CTIF: variants seen among roughly 807,000 people sequenced by gnomAD.
The protein encoded by CTIF is CBP80/20-dependent translation initiation factor.
Under a neutral mutation model 66.0 loss-of-function variants are expected in CTIF, and 21 were observed. The observed-to-expected ratio is 0.32, with a 90% CI of 0.23 to 0.46. The LOEUF (loss-of-function observed/expected upper bound fraction) is 0.46. CTIF is among the 20% of genes least tolerant of loss of function. CTIF has a pLI of 1.00. For missense variants in CTIF, 739 were observed against 812.7 expected, an observed-to-expected ratio of 0.91 and a Z score of 1.10; for synonymous variants, 345 against 326.4, an observed-to-expected ratio of 1.06 and a Z score of -0.62.
chr18:48,656,193 T>C (rs2091244682), intron 3 of CTIF, among the ~76,000 whole-genome samples: 1 of 152,216 alleles, frequency 6.6e-6, no homozygotes, highest in Non-Finnish European at 1.5e-5. Flanking sequence ...AGGGGAGGGA[T>C]ACGTTCCTGC....
chr18:48,722,010 C>A (rs1012072089), intron 7 of CTIF, among the ~76,000 whole-genome samples: 1 of 152,118 alleles, frequency 6.6e-6, no homozygotes, highest in Non-Finnish European at 1.5e-5. Context: ...AAAGACAGTT[C>A]TGAAAGACAT....
At position 48,670,483 on chromosome 18, in the gene CTIF, G is replaced by A. The variant is rs564519687; in HGVS notation, c.432-186G>A. ...CCAGGTTGGCTGTTGCATTACGGGA[G>A]GACCCCCCCCCCACACACACACAGC... On this transcript the variant is annotated intron_variant, in intron 5 of 11. Coordinates refer to ENST00000256413, the MANE Select transcript of CTIF (RefSeq NM_014772.3). 9.2e-5 allele frequency: 41 copies of A among 447,352 alleles called. No homozygotes were observed. In the African/African-American group the frequency reaches 1.5e-3, roughly 16 times the overall value. 27.7% of individuals were successfully genotyped at this position (447,352 alleles called of 1,614,324 possible).
At chr18:48,721,895 A>G (rs1182084648) in intron 7 of CTIF, among the ~76,000 whole-genome samples, 1 of 152,180 alleles carries the variant, frequency 6.6e-6, no homozygotes, top group Admixed American at 6.5e-5. Context: ...CTCAGCTATA[A>G]AATAGGGCTC....
chr18:48,562,257 G>A (rs766223972), intron 1 of CTIF, among the ~76,000 whole-genome samples: 39 of 152,234 alleles, frequency 2.6e-4, no homozygotes, highest in Non-Finnish European at 5.1e-4. Context: ...ATGAGCAGTA[G>A]TATCATCACC....
chr18:48,836,767 T>C (rs2146504190), intron 10 of CTIF, among the ~76,000 whole-genome samples: 1 of 152,374 alleles, frequency 6.6e-6, no homozygotes, highest in African/African-American at 2.4e-5. Flanking sequence ...ATCTGAGTTC[T>C]GGTGCTGGCT....
chr18:48,809,538 A>G (rs1432913730), intron 9 of CTIF, among the ~76,000 whole-genome samples: 2 of 152,116 alleles, frequency 1.3e-5, no homozygotes, highest in African/African-American at 4.8e-5. Flanking sequence ...CTTATTTGTA[A>G]CTTACTATCA....
intron 3 of CTIF, among the ~76,000 whole-genome samples, chr18:48,636,968 T>G (rs2090834628): frequency 6.6e-6 from 1 of 152,206 alleles, no homozygotes; most frequent in South Asian, 2.1e-4. Context: ...CTGAGGGGAA[T>G]GGAGAGGTGC....
At chr18:48,633,292 G>A (rs940688429) in intron 2 of CTIF, among the ~76,000 whole-genome samples, 1 of 152,130 alleles carries the variant, frequency 6.6e-6, no homozygotes, top group African/African-American at 2.4e-5. Context: ...CTCCAACCAG[G>A]GAAGCAGAAA....
intron 9 of CTIF, among the ~76,000 whole-genome samples, chr18:48,779,499 A>G (rs1036243700): frequency 6.6e-6 from 1 of 152,212 alleles, no homozygotes; most frequent in African/African-American, 2.4e-5. Flanking sequence ...GGGGTCAGTT[A>G]TAAGGCTGAG....
At chr18:48,672,022 T>C (rs1264364993) in intron 6 of CTIF, among the ~76,000 whole-genome samples, 1 of 91,832 alleles carries the variant, frequency 1.1e-5, no homozygotes, top group Non-Finnish European at 2.5e-5. Context: ...TTTTAAAGCA[T>C]TGTAGGAAAT....
intron 9 of CTIF, among the ~76,000 whole-genome samples, chr18:48,777,135 C>T (rs1910758398): frequency 6.6e-6 from 1 of 152,226 alleles, no homozygotes; most frequent in Admixed American, 6.5e-5. Flanking sequence ...CAACTCTCCC[C>T]ACCCGGCGGG....
intron 1 of CTIF, among the ~76,000 whole-genome samples, chr18:48,594,119 T>G (rs2089945676): frequency 6.8e-6 from 1 of 147,252 alleles, no homozygotes; most frequent in Non-Finnish European, 1.5e-5. Context: ...ACAGTTTCTT[T>G]GGTGTCGTGA....
intron 9 of CTIF, among the ~76,000 whole-genome samples, chr18:48,801,658 G>A (rs1213205325): frequency 6.6e-6 from 1 of 151,782 alleles, no homozygotes; most frequent in African/African-American, 2.4e-5. Context: ...TAACGCCTGT[G>A]TATTCATCTA....
At chr18:48,811,227 G>A (rs890170121) in intron 9 of CTIF, among the ~76,000 whole-genome samples, 1 of 151,820 alleles carries the variant, frequency 6.6e-6, no homozygotes, top group Non-Finnish European at 1.5e-5. Context: ...ATTATTTCTG[G>A]CTTTTGATTC....
At chr18:48,732,556 A>T (rs1208236346) in intron 7 of CTIF, among the ~76,000 whole-genome samples, 1 of 152,184 alleles carries the variant, frequency 6.6e-6, no homozygotes, top group Non-Finnish European at 1.5e-5. Flanking sequence ...CTTCTATGGG[A>T]GCCACAGCTT....
At chr18:48,590,053 G>A (rs1173653638) in intron 1 of CTIF, among the ~76,000 whole-genome samples, 2 of 152,172 alleles carry the variant, frequency 1.3e-5, no homozygotes, top group Non-Finnish European at 2.9e-5. Context: ...TTGTTGCTCT[G>A]GCCCTCCTGA....
At chr18:48,834,901 C>G (rs1231835649) in intron 10 of CTIF, 1 of 152,650 alleles carries the variant, frequency 6.6e-6, no homozygotes, top group African/African-American at 2.4e-5. Context: ...CTGGCATGCG[C>G]TGAGCCTTCC....
chr18:48,726,903 C>T (rs982611179), intron 7 of CTIF, among the ~76,000 whole-genome samples: 6 of 152,246 alleles, frequency 3.9e-5, no homozygotes, highest in South Asian at 4.2e-4. Context: ...TCTCACCCCT[C>T]CCAATGTCTC....
intron 1 of CTIF, among the ~76,000 whole-genome samples, chr18:48,575,305 A>G (rs970155858): frequency 2.6e-5 from 4 of 152,210 alleles, no homozygotes; most frequent in African/African-American, 7.2e-5. Flanking sequence ...CAGCTGTTCT[A>G]TGGCAACACG....
Sources: allele counts gnomAD v4.1 joint callset (sites outside exome capture counted in the v4.1 genomes callset), GRCh38; gene constraint gnomAD v4.1.1; transcripts MANE v1.5; gene names NCBI Gene and HGNC (gene_info 2026-07-23, HGNC 2026-07-21).